The following PLEKHA8 variants were observed in gnomAD, a reference collection of about 807,000 sequenced individuals.
PLEKHA8 encodes the protein pleckstrin homology domain containing A8.
In PLEKHA8, 36 loss-of-function variants were observed where a neutral mutation model predicts 68.2. That is an observed-to-expected ratio of 0.53 (90% CI 0.40 to 0.70). The LOEUF (loss-of-function observed/expected upper bound fraction) is 0.70. PLEKHA8 is among the 30% of genes least tolerant of loss of function. The pLI, the probability that PLEKHA8 is intolerant of heterozygous loss-of-function variation, is 0.00. For synonymous variants in PLEKHA8, 211 were observed against 216.1 expected, an observed-to-expected ratio of 0.98 and a Z score of 0.20; for missense variants, 505 against 615.4, an observed-to-expected ratio of 0.82 and a Z score of 1.90.
downstream of PLEKHA8, chr7:30,084,715 T>A (rs1385980642): frequency 4.9e-6 from 4 of 814,090 alleles, no homozygotes; most frequent in Non-Finnish European, 5.9e-6. Context: ...AAAGTCTCGT[T>A]TATGGAACAC....
chr7:30,101,352 A>G (rs1011916861), intron 13 of PLEKHA8, among the ~76,000 whole-genome samples: 1 of 152,172 alleles, frequency 6.6e-6, no homozygotes, highest in Non-Finnish European at 1.5e-5. Context: ...TAGCTTATGA[A>G]CAACGGGAGT....
chr7:30,074,333 A>G (rs939732014), intron 13 of PLEKHA8, among the ~76,000 whole-genome samples: 4 of 151,354 alleles, frequency 2.6e-5, no homozygotes, highest in Non-Finnish European at 1.5e-5. Context: ...TATTTATTTC[A>G]TTTACGTTTA....
At chr7:30,127,546 A>T (rs1269203789) in intron 13 of PLEKHA8, among the ~76,000 whole-genome samples, 1 of 152,244 alleles carries the variant, frequency 6.6e-6, no homozygotes, top group Admixed American at 6.5e-5. Context: ...TGATCACGAA[A>T]GGAAAGCAGA....
At chr7:30,117,898 T>G in intron 13 of PLEKHA8, 1 of 1,036,216 alleles carries the variant, frequency 9.7e-7, no homozygotes, top group Non-Finnish European at 1.4e-6. Context: ...AGATTAAAGA[T>G]TGCCAAGACT....
At chr7:30,101,711 G>T (rs1036080830) in intron 13 of PLEKHA8, among the ~76,000 whole-genome samples, 4 of 152,130 alleles carry the variant, frequency 2.6e-5, no homozygotes, top group Admixed American at 6.5e-5. Context: ...AATAAAATAT[G>T]TGCAAAATCT....
At position 30,079,837 on chromosome 7, in the gene PLEKHA8, A is replaced by G. The variant is rs1038060101; in HGVS notation, c.*1050A>G. The G allele has an allele frequency of 1.1e-5, 10 of 941,772 alleles. No individual in the cohort carries two copies. Among genetic ancestry groups the G allele is most frequent in the Non-Finnish European group, 1.3e-5 (10 of 790,440 alleles). The allele number at this position is 941,772 out of a possible 1,614,324, so 58.3% of individuals were successfully genotyped here. ...TCTTCTGCACACAGTATTGAAGAGC[A>G]ACTAGATTAAATTCTAGTTTACAAA... On this transcript the variant is annotated 3_prime_UTR_variant, in exon 14 of 14. Transcript: ENST00000449726.
intron 1 of PLEKHA8, among the ~76,000 whole-genome samples, chr7:30,041,652 C>T (rs1791547955): frequency 6.6e-6 from 1 of 152,098 alleles, no homozygotes; most frequent in South Asian, 2.1e-4. Flanking sequence ...GCCTCAGTCT[C>T]CTAAAGTGCT....
intron 13 of PLEKHA8, chr7:30,115,931 T>G (rs1796488678): frequency 6.7e-6 from 1 of 149,166 alleles, no homozygotes; most frequent in Non-Finnish European, 1.5e-5. Flanking sequence ...TGTACATACA[T>G]GTATACATGC....
At chr7:30,031,650 C>T (rs184265656) in intron 1 of PLEKHA8, among the ~76,000 whole-genome samples, 2 of 152,082 alleles carry the variant, frequency 1.3e-5, no homozygotes, top group Non-Finnish European at 2.9e-5. Flanking sequence ...TGCATGCATG[C>T]GTCTGTGAGA....
At chr7:30,049,520 A>G (rs1383246683) in intron 5 of PLEKHA8, 138 bp downstream of exon 5, 3 of 1,124,394 alleles carry the variant, frequency 2.7e-6, no homozygotes, top group African/African-American at 1.6e-5. Flanking sequence ...TCCTTTTTTT[A>G]TATCTGTCCT....
chr7:30,067,197 C>G (rs1793908122), intron 12 of PLEKHA8, among the ~76,000 whole-genome samples: 1 of 152,220 alleles, frequency 6.6e-6, no homozygotes, highest in African/African-American at 2.4e-5. Flanking sequence ...CCTAGTAGCT[C>G]TGCTTTTAAA....
At chr7:30,041,757 A>G (rs1791556449) in intron 1 of PLEKHA8, among the ~76,000 whole-genome samples, 1 of 152,134 alleles carries the variant, frequency 6.6e-6, no homozygotes, top group Non-Finnish European at 1.5e-5. Context: ...CTGCTCTTCA[A>G]CATTTTTCAG....
At chr7:30,116,267 C>CATGT (rs552344477) in intron 13 of PLEKHA8, among the ~76,000 whole-genome samples, 2 of 150,656 alleles carry the variant, frequency 1.3e-5, no homozygotes, top group African/African-American at 2.4e-5. Flanking sequence ...TACATGCATA[C>CATGT]ATGTATGTAT....
chr7:30,035,839 G>A lies in PLEKHA8; in HGVS notation c.40+7037G>A, dbSNP rs1476407914. 1.3e-5 allele frequency among the ~76,000 whole-genome samples: 2 copies of A among 151,734 alleles called. 1 individual carries two copies. The highest frequency in any genetic ancestry group is 2.9e-5 in the Non-Finnish European group (2 of 67,958). The stretch of plus-strand genomic sequence containing the variant: ...TTTTTTGTATTTTTAGTAGAGATGA[G>A]GTTTCACCATGTTGGCTAGGCTGGT... On this transcript the variant is annotated intron_variant, in intron 1 of 13. Coordinates refer to ENST00000449726, the MANE Select transcript of PLEKHA8 (RefSeq NM_001197026.2).
At chr7:30,056,743 GTGTGT>G (rs1190386440) in intron 9 of PLEKHA8, among the ~76,000 whole-genome samples, 2 of 10,514 alleles carry the variant, frequency 1.9e-4, no homozygotes, top group Non-Finnish European at 4.4e-4. Context: ...AAAAAAAAAA[GTGTGT>G]GTGTGTGTGT....
Position 30,106,690 on chromosome 7 carries a change from C to T in PLEKHA8, c.1363-22576C>T, listed in dbSNP as rs186143235. Among the ~76,000 whole-genome samples the T allele has an allele frequency of 8.0e-4, 121 of 151,962 alleles. 1 individual carries two copies. Among genetic ancestry groups the T allele is most frequent in the African/African-American group, 2.6e-3 (108 of 41,412 alleles). ...TGCACTTAAATGGAGTCAGCCAACC[C>T]GGGATAAAAAGAATGTGGGCAAAAA... On this transcript the variant is annotated intron_variant, in intron 13 of 13. Transcript: ENST00000396257.
chr7:30,056,312 C>CTCTCTCTCTCTCTCTATA (rs796845171), intron 9 of PLEKHA8, among the ~76,000 whole-genome samples: 51 of 94,536 alleles, frequency 5.4e-4, no homozygotes, highest in South Asian at 7.7e-4. Flanking sequence ...CTCTCTCTCT[C>CTCTCTCTCTCTCTCTATA]TATATATATA....
In PLEKHA8 at chr7:30,054,998, A is replaced by G. The variant is rs1191944442; in HGVS notation, c.953+133A>G. ...ATGTGGTATACCAAGTACCTGCTTT[A>G]CTGTTTACTCTTTCTTACCAATGAA... On this transcript the variant is annotated intron_variant, in intron 8 of 13. Coordinates refer to ENST00000449726, the MANE Select transcript of PLEKHA8 (RefSeq NM_001197026.2). 10 of 915,784 alleles carry G rather than the reference A, an allele frequency of 1.1e-5. No individual in the cohort carries two copies. The East Asian group carries it at 2.5e-4, about 23-fold the overall frequency. The allele number at this position is 915,784 out of a possible 1,614,324, so 56.7% of individuals were successfully genotyped here. A position where few individuals can be genotyped will look rare whatever the true frequency, so the allele number is the denominator to read the frequency against.
intron 13 of PLEKHA8, chr7:30,118,423 C>CAGGT (rs1325797052): frequency 6.2e-6 from 1 of 160,326 alleles, no homozygotes; most frequent in Non-Finnish European, 1.4e-5. Context: ...AATAACTCTG[C>CAGGT]AGGTAGGTGG....
Sources: gnomAD v4.1 joint callset for allele counts (sites outside exome capture counted in the v4.1 genomes callset) on GRCh38, gnomAD v4.1.1 for gene constraint, MANE v1.5 for transcripts, NCBI Gene and HGNC (gene_info 2026-07-23, HGNC 2026-07-21) for gene names.